Variants in SPEN observed in about 807,000 individuals in gnomAD.
SPEN encodes spen family transcriptional repressor.
In SPEN, 18 loss-of-function variants were observed where a neutral mutation model predicts 269.9. The ratio of observed to expected loss-of-function variants is 0.07; its 90% confidence interval spans 0.05 to 0.10. The LOEUF (loss-of-function observed/expected upper bound fraction) is 0.10, where lower values mean the gene tolerates loss of function less well. SPEN is among the 10% of genes least tolerant of loss of function. SPEN has a pLI of 1.00. For missense variants in SPEN, 3,822 were observed against 4,631.2 expected (o/e 0.83, Z 5.07); for synonymous variants, 1,726 against 1,765.7 (o/e 0.98, Z 0.56).
Position 15,934,548 on chromosome 1 carries a change from T to C in SPEN, c.8308T>C (p.Ser2770Pro). The change falls in exon 11 of 15, where the codon TCA (serine) becomes CCA (proline). Residue 2770 changes from serine (S) to proline (P), a missense_variant. Transcript: ENST00000375759. The surrounding 1 kb of genome is among the most constrained non-coding windows in gnomAD (Gnocchi z 9.2). ...VTMAGAVIAP[S>P]TKCKQRASAN... ...AATGGCAGGGGCAGTGATTGCGCCG[T>C]CAACAAAGTGCAAACAGAGAGCGAG... is the stretch of plus-strand genomic sequence containing the variant. 6.2e-7 allele frequency: 1 copy of C among 1,614,088 alleles called. No individual in the cohort carries two copies. The highest frequency in any genetic ancestry group is 8.5e-7 in the Non-Finnish European group (1 of 1,180,028).
intron 5 of SPEN, 32 bp from the exon 6 acceptor site, chr1:15,916,096 C>G (rs199653032): frequency 1.3e-6 from 2 of 1,584,434 alleles, no homozygotes; most frequent in Non-Finnish European, 1.7e-6. Context: ...ATACTGTCTT[C>G]TCTTTTTACT....
At position 15,848,123 on chromosome 1, in the gene SPEN, A is replaced by G. The variant is rs2070292177; in HGVS notation, c.56A>G (p.Glu19Gly). ...GGCAACTTACCCGAGAACGTGCGGG[A>G]AGAGAAGATCATCGAGCATTTCAAA... ...WVGNLPENVR[E>G]EKIIEHFKRY... Residue 19 changes from glutamate (E) to glycine (G), a missense_variant, in exon 1 of 15, where the codon GAA becomes GGA. By Grantham distance (98) the Glu-to-Gly change is moderately conservative. This residue lies in a region of SPEN where 51 missense variants were observed against 56.1 expected (regional missense o/e 0.91). Transcript: ENST00000375759. The surrounding 1 kb of genome is among the most constrained non-coding windows in gnomAD (Gnocchi z 5.1). The G allele has an allele frequency of 1.3e-6, 2 of 1,499,560 alleles. No homozygotes were observed. The highest frequency in any genetic ancestry group is 9.0e-7 in the Non-Finnish European group (1 of 1,116,676). The allele number at this position is 1,499,560 out of a possible 1,614,324, so 92.9% of individuals were successfully genotyped here. A position where few individuals can be genotyped will look rare whatever the true frequency, so the allele number is the denominator to read the frequency against.
At chr1:15,905,718 G>T (rs1213523096) in intron 3 of SPEN, among the ~76,000 whole-genome samples, 1 of 151,530 alleles carries the variant, frequency 6.6e-6, no homozygotes, top group African/African-American at 2.4e-5. Flanking sequence ...GACTACAGAC[G>T]CACGCCACCA....
chr1:15,870,627 A>T (rs539112804), intron 1 of SPEN, among the ~76,000 whole-genome samples: 6 of 152,338 alleles, frequency 3.9e-5, no homozygotes, highest in African/African-American at 1.4e-4. Context: ...CTTGTGTGAG[A>T]ATGAAGTGTG....
chr1:15,908,225 A>G (rs1374799650), intron 3 of SPEN, among the ~76,000 whole-genome samples: 2 of 151,730 alleles, frequency 1.3e-5, no homozygotes, highest in Non-Finnish European at 2.9e-5. Flanking sequence ...TTATTTATTT[A>G]TTTGTTTGTT....
chr1:15,922,045 AT>A (rs1250932683), intron 9 of SPEN, among the ~76,000 whole-genome samples: 1 of 152,146 alleles, frequency 6.6e-6, no homozygotes, highest in East Asian at 1.9e-4. Flanking sequence ...TATAAATTTC[AT>A]TCTTTTATCA....
chr1:15,904,413 C>T (rs1204697388), intron 3 of SPEN, among the ~76,000 whole-genome samples: 1 of 126,200 alleles, frequency 7.9e-6, no homozygotes, highest in African/African-American at 2.9e-5. Context: ...TTGCAGTGAG[C>T]AGCACTCCAG....
chr1:15,936,290 ACTGT>A, intron 11 of SPEN, 24 bp downstream of exon 11: 1 of 1,518,388 alleles, frequency 6.6e-7, no homozygotes, highest in Non-Finnish European at 8.9e-7. Flanking sequence ...GTATCTCCCC[ACTGT>A]CTGTTGGGCA....
chr1:15,855,970 G>T (rs532511613), intron 1 of SPEN, among the ~76,000 whole-genome samples: 1 of 147,340 alleles, frequency 6.8e-6, no homozygotes. Context: ...TTACTTTATT[G>T]TGTGAAAAGG....
At chr1:15,902,419 T>C (rs2070911162) in intron 3 of SPEN, among the ~76,000 whole-genome samples, 1 of 152,092 alleles carries the variant, frequency 6.6e-6, no homozygotes, top group African/African-American at 2.4e-5. Flanking sequence ...CAGGTCCTCT[T>C]ACACTTAGAT....
chr1:15,875,513 G>T (rs1356649575), intron 2 of SPEN, among the ~76,000 whole-genome samples: 1 of 151,988 alleles, frequency 6.6e-6, no homozygotes, highest in African/African-American at 2.4e-5. Flanking sequence ...TTCACATAGA[G>T]TAGCATGTGG....
At chr1:15,867,171 A>G (rs2070523197) in intron 1 of SPEN, among the ~76,000 whole-genome samples, 3 of 152,066 alleles carry the variant, frequency 2.0e-5, no homozygotes, top group Admixed American at 6.6e-5. Context: ...GCCCCTGGCA[A>G]TCTCTAATTT....
At chr1:15,909,512 G>A in intron 4 of SPEN, 31 bp downstream of exon 4, 1 of 1,603,380 alleles carries the variant, frequency 6.2e-7, no homozygotes, top group Non-Finnish European at 8.5e-7. Flanking sequence ...CCTTTCCTCT[G>A]TGCTACTACT....
intron 1 of SPEN, among the ~76,000 whole-genome samples, chr1:15,866,798 G>A (rs954267062): frequency 1.3e-5 from 2 of 152,040 alleles, no homozygotes; most frequent in Non-Finnish European, 2.9e-5. Context: ...CATATATAAC[G>A]TTCCTAGTTA....
chr1:15,909,259 C>G, intron 3 of SPEN, 62 bp from the exon 4 acceptor site: 1 of 1,552,600 alleles, frequency 6.4e-7, no homozygotes, highest in Non-Finnish European at 8.7e-7. Flanking sequence ...AAGAAGTTTT[C>G]TAATGCTGCT....
chr1:15,895,164 C>T lies in SPEN; in HGVS notation c.882-14157C>T, dbSNP rs183640508. On this transcript the variant is annotated intron_variant, in intron 3 of 14. Transcript: ENST00000375759. Reference sequence around the variant, plus strand: ...CTCGAGCTCCCGACCTCAGGTGATCCGCCCGCCTCGGCCTCCCAAAGTGCT... The same window carrying T: ...CTCGAGCTCCCGACCTCAGGTGATCTGCCCGCCTCGGCCTCCCAAAGTGCT... 1.3e-4 allele frequency among the ~76,000 whole-genome samples: 20 copies of T among 151,996 alleles called. 1 individual carries two copies. The East Asian group carries it at 2.5e-3, about 19-fold the overall frequency.
Position 15,875,169 on chromosome 1 carries a change from G to A in SPEN, c.405-1033G>A, listed in dbSNP as rs377691189. On this transcript the variant is annotated intron_variant, in intron 2 of 14. Transcript: ENST00000375759. ...GTAGAGAACTTACGATTTCTTTATA[G>A]GATTATAACTAGTTTTTAATATTAA... Among the ~76,000 whole-genome samples, 142 of 152,162 alleles carry A rather than the reference G, an allele frequency of 9.3e-4. 1 individual carries two copies. Among genetic ancestry groups the A allele is most frequent in the South Asian group, 3.3e-3 (16 of 4,816 alleles).
intron 3 of SPEN, among the ~76,000 whole-genome samples, chr1:15,891,751 A>C (rs1176745023): frequency 1.3e-5 from 2 of 151,716 alleles, no homozygotes; most frequent in African/African-American, 4.8e-5. Flanking sequence ...TGGACTCCCA[A>C]AGCACTGGGA....
At position 15,859,905 on chromosome 1, in the gene SPEN, C is replaced by CTTTTTTTTTTTT. The variant is rs34195453; in HGVS notation, c.83+11768_83+11779dup. ...AGTATAAAGAATGATCAGTTAACAT[C>CTTTTTTTTTTTT]TTTTTTTTTTTTTTTTTTTTTTTTG... On this transcript the variant is annotated intron_variant, in intron 1 of 14. Coordinates refer to ENST00000375759, the MANE Select transcript of SPEN (RefSeq NM_015001.3). 2.0e-3 allele frequency among the ~76,000 whole-genome samples: 163 copies of CTTTTTTTTTTTT among 79,634 alleles called. 27 individuals are homozygous for CTTTTTTTTTTTT. Among genetic ancestry groups the CTTTTTTTTTTTT allele is most frequent in the African/African-American group, 5.6e-3 (105 of 18,774 alleles). 52.2% of individuals were successfully genotyped at this position (79,634 alleles called of 152,430 possible). A position where few individuals can be genotyped will look rare whatever the true frequency, so the allele number is the denominator to read the frequency against.
Sources: gnomAD v4.1 joint callset for allele counts (sites outside exome capture counted in the v4.1 genomes callset) on GRCh38, gnomAD v4.1.1 for gene constraint, gnomAD v4.1.1 regional missense constraint, Gnocchi (gnomAD v3.1) non-coding constraint, MANE v1.5 for transcripts, NCBI Gene and HGNC (gene_info 2026-07-23, HGNC 2026-07-21) for gene names.